The following ERC1 variants were observed in gnomAD, a reference collection of about 807,000 sequenced individuals.
ERC1 encodes the protein RAB6 interacting protein 2.
Under a neutral mutation model 132.0 loss-of-function variants are expected in ERC1, and 56 were observed. That is an observed-to-expected ratio of 0.42 (90% CI 0.34 to 0.53). The LOEUF (loss-of-function observed/expected upper bound fraction) is 0.53, where lower values mean the gene tolerates loss of function less well. Ranked by LOEUF, ERC1 falls within the 20% of genes least tolerant of loss-of-function variation. The pLI, the probability that ERC1 is intolerant of heterozygous loss-of-function variation, is 0.03. For synonymous variants in ERC1, 478 were observed against 476.1 expected, an observed-to-expected ratio of 1.00 and a Z score of -0.05; for missense variants, 1,202 against 1,349.9, an observed-to-expected ratio of 0.89 and a Z score of 1.72.
chr12:1,480,993 G>A, intron 18 of ERC1: 1 of 677,160 alleles, frequency 1.5e-6, no homozygotes, highest in East Asian at 2.7e-5. Flanking sequence ...TGGTACTGAA[G>A]CCTATAGATG....
chr12:1,358,188 C>T (rs536529641), intron 15 of ERC1, among the ~76,000 whole-genome samples: 10 of 147,376 alleles, frequency 6.8e-5, no homozygotes, highest in Non-Finnish European at 1.5e-4. Flanking sequence ...CACCCCAACC[C>T]GGACAACATA....
intron 1 of ERC1, among the ~76,000 whole-genome samples, chr12:1,022,994 G>T (rs990817782): frequency 6.6e-6 from 1 of 152,120 alleles, no homozygotes; most frequent in Non-Finnish European, 1.5e-5. Flanking sequence ...AGAAGGATGT[G>T]TTTGCTTCCC....
chr12:1,078,185 G>A (rs1941637143), intron 2 of ERC1, among the ~76,000 whole-genome samples: 1 of 152,140 alleles, frequency 6.6e-6, no homozygotes, highest in Admixed American at 6.5e-5. Flanking sequence ...AGAAAAGGAG[G>A]AACAGTCATA....
chr12:1,488,362 A>G (rs1432304335), intron 18 of ERC1, among the ~76,000 whole-genome samples: 1 of 151,920 alleles, frequency 6.6e-6, no homozygotes, highest in African/African-American at 2.4e-5. Flanking sequence ...AATATTTGTC[A>G]AGCACTTTAT....
intron 2 of ERC1, among the ~76,000 whole-genome samples, chr12:1,070,576 G>T (rs1940160213): frequency 2.0e-5 from 3 of 152,090 alleles, no homozygotes; most frequent in South Asian, 4.1e-4. Flanking sequence ...GTGAGCCACT[G>T]TGCCTGGTCT....
Position 1,490,117 on chromosome 12 carries a change from G to A in ERC1, c.3238G>A (p.Glu1080Lys). Residue 1080 changes from glutamate to lysine, a missense_variant, in exon 19 of 19, where the codon GAA becomes AAA. Transcript: ENST00000360905. ...GCTTCAGGATGAGTTAGAGAAAGGTGAACGGGACAATGCAGAACTGCAGGA... is the reference window on the plus strand; with the variant it reads ...GCTTCAGGATGAGTTAGAGAAAGGTAAACGGGACAATGCAGAACTGCAGGA... ...GQLQDELEKG[E>K]RDNAELQEFA... 6.2e-7 allele frequency: 1 copy of A among 1,614,120 alleles called. No individual in the cohort carries two copies. Among genetic ancestry groups the A allele is most frequent in the Non-Finnish European group, 8.5e-7 (1 of 1,179,976 alleles).
intron 2 of ERC1, among the ~76,000 whole-genome samples, chr12:1,064,071 T>G (rs1371928193): frequency 3.3e-5 from 5 of 152,146 alleles, no homozygotes; most frequent in Admixed American, 3.3e-4. Context: ...GCTAACAATT[T>G]TTTTGCTCCC....
At chr12:1,049,990 G>T (rs543042232) in intron 2 of ERC1, among the ~76,000 whole-genome samples, 23 of 152,112 alleles carry the variant, frequency 1.5e-4, no homozygotes, top group Non-Finnish European at 1.2e-4. Context: ...TGATCCGCCC[G>T]CCTCGGCCTC....
intron 7 of ERC1, chr12:1,116,335 T>C (rs1012551207): frequency 2.0e-4 from 42 of 213,714 alleles, no homozygotes; most frequent in Non-Finnish European, 3.6e-4. Flanking sequence ...AGAGAAATCA[T>C]TGATTTAGAA....
chr12:1,082,917 T>G (rs1363221437), intron 2 of ERC1, among the ~76,000 whole-genome samples: 1 of 152,242 alleles, frequency 6.6e-6, no homozygotes, highest in Non-Finnish European at 1.5e-5. Context: ...TTTATTGTAG[T>G]TTATGCAAAG....
chr12:995,287 G>A (rs1470116366), intron 1 of ERC1, among the ~76,000 whole-genome samples: 4 of 151,970 alleles, frequency 2.6e-5, no homozygotes, highest in South Asian at 2.1e-4. Context: ...ATAAAAGTAC[G>A]GGCAGTAGTC....
Position 1,261,575 on chromosome 12 carries a change from C to T in ERC1, c.2488-1459C>T, listed in dbSNP as rs114042280. Among the ~76,000 whole-genome samples the T allele has an allele frequency of 4.5e-3, 679 of 152,272 alleles. 4 individuals carry two copies. The highest frequency in any genetic ancestry group is 0.015 in the African/African-American group (633 of 41,550). ...ACGGGCATCGTTCCTTGTCTCTGCG[C>T]GCGGCGTCCCTTTAAAACCCTCCAC... On this transcript the variant is annotated intron_variant, in intron 13 of 18. Coordinates refer to ENST00000360905, the MANE Select transcript of ERC1 (RefSeq NM_178040.4).
At chr12:1,485,329 C>T (rs1159167212) in intron 18 of ERC1, among the ~76,000 whole-genome samples, 1 of 151,152 alleles carries the variant, frequency 6.6e-6, no homozygotes, top group African/African-American at 2.4e-5. Flanking sequence ...CTCAGCCACC[C>T]AAGTAGCTGG....
At chr12:1,026,316 C>T (rs1283120757) in intron 1 of ERC1, among the ~76,000 whole-genome samples, 1 of 152,210 alleles carries the variant, frequency 6.6e-6, no homozygotes, top group African/African-American at 2.4e-5. Context: ...TTAAGTACAC[C>T]TGGCCCCACC....
At chr12:1,063,495 C>A (rs1565890553) in intron 2 of ERC1, among the ~76,000 whole-genome samples, 1 of 152,182 alleles carries the variant, frequency 6.6e-6, no homozygotes, top group Non-Finnish European at 1.5e-5. Flanking sequence ...CTGCTGACTT[C>A]AGGTGATCTA....
chr12:1,489,098 G>A (rs1431466415), intron 18 of ERC1, among the ~76,000 whole-genome samples: 3 of 152,198 alleles, frequency 2.0e-5, no homozygotes, highest in South Asian at 2.1e-4. Flanking sequence ...TGGCCCTCGC[G>A]TGTGTTTTCA....
chr12:1,205,050 T>C (rs946852912), intron 12 of ERC1, among the ~76,000 whole-genome samples: 2 of 152,196 alleles, frequency 1.3e-5, no homozygotes, highest in Non-Finnish European at 2.9e-5. Flanking sequence ...GCTATTTATA[T>C]GTGCCAGAGG....
chr12:1,264,221 T>G (rs2077328891), intron 14 of ERC1, among the ~76,000 whole-genome samples: 1 of 152,192 alleles, frequency 6.6e-6, no homozygotes, highest in Admixed American at 6.5e-5. Flanking sequence ...TTGTTTTACA[T>G]ATATCCTGCA....
intron 16 of ERC1, among the ~76,000 whole-genome samples, chr12:1,381,627 AAACACT>A (rs1216572600): frequency 1.3e-5 from 2 of 152,216 alleles, no homozygotes; most frequent in Non-Finnish European, 2.9e-5. Context: ...GAACCATTAC[AAACACT>A]AAGATCAACT....
Sources: gnomAD v4.1 joint callset for allele counts (sites outside exome capture counted in the v4.1 genomes callset) on GRCh38, gnomAD v4.1.1 for gene constraint, MANE v1.5 for transcripts, NCBI Gene and HGNC (gene_info 2026-07-23, HGNC 2026-07-21) for gene names.